The following PCDHGA8 variants were observed in gnomAD, a reference collection of about 807,000 sequenced individuals.
PCDHGA8 encodes the protein protocadherin gamma-A8.
A neutral mutation model predicts 59.2 loss-of-function variants in PCDHGA8; 45 were observed. The ratio of observed to expected loss-of-function variants is 0.76; its 90% CI spans 0.60 to 0.98. PCDHGA8 has a LOEUF of 0.98. Ranked by LOEUF, PCDHGA8 falls within the 50% of genes least tolerant of loss-of-function variation. The pLI is 0.00. For missense variants in PCDHGA8, 1,257 were observed against 1,196.2 expected (o/e 1.05, Z -0.75); for synonymous variants, 531 against 519.0 (o/e 1.02, Z -0.32).
chr5:141,453,540 A>G (rs890130466), intron 1 of PCDHGA8, among the ~76,000 whole-genome samples: 2 of 152,058 alleles, frequency 1.3e-5, no homozygotes, highest in Non-Finnish European at 2.9e-5. Context: ...CCTCATTCAC[A>G]CCACACTCTG....
chr5:141,421,239 G>T (rs773410079), intron 1 of PCDHGA8: 5 of 1,599,000 alleles, frequency 3.1e-6, no homozygotes, highest in Middle Eastern at 3.3e-4. Flanking sequence ...TGGCGAATCG[G>T]CTACAGCGCG....
chr5:141,420,840 TC>T (rs1453160032), intron 1 of PCDHGA8, among the ~76,000 whole-genome samples: 1 of 152,250 alleles, frequency 6.6e-6, no homozygotes, highest in Admixed American at 6.5e-5. Flanking sequence ...TCGCAGGTGT[TC>T]TTGGTAAAGT....
intron 1 of PCDHGA8, chr5:141,395,553 TG>T: frequency 1.2e-5 from 1 of 84,110 alleles, no homozygotes; most frequent in Non-Finnish European, 2.1e-5. Context: ...TGTGTGTGTG[TG>T]TGTGTGTGTG....
In PCDHGA8 at chr5:141,476,853, A is replaced by G; in HGVS notation, c.2425-17954A>G. ...AATGACAATGCGCCTGTCTTCAACCAGTCCTTGTACCGGGCGCGCGTCCTG... is the reference window on the plus strand; with the variant it reads ...AATGACAATGCGCCTGTCTTCAACCGGTCCTTGTACCGGGCGCGCGTCCTG... On this transcript the variant is annotated intron_variant, in intron 1 of 3. Coordinates refer to ENST00000398604, the MANE Select transcript of PCDHGA8 (RefSeq NM_032088.2). This position sits in a 1 kb window ranked among gnomAD's most constrained non-coding sequence, Gnocchi z 7.6. The G allele has an allele frequency of 6.2e-7, 1 of 1,613,870 alleles. No individual in the cohort carries two copies. Among genetic ancestry groups the G allele is most frequent in the Non-Finnish European group, 8.5e-7 (1 of 1,180,042 alleles).
chr5:141,413,166 C>A (rs758193163), intron 1 of PCDHGA8: 3 of 1,590,396 alleles, frequency 1.9e-6, no homozygotes, highest in South Asian at 2.3e-5. Flanking sequence ...AATTCTGTAA[C>A]CAGACTACAA....
intron 2 of PCDHGA8, among the ~76,000 whole-genome samples, chr5:141,499,192 C>T (rs1048812227): frequency 1.1e-4 from 17 of 152,106 alleles, no homozygotes; most frequent in South Asian, 2.1e-4. Flanking sequence ...CCATTTCCCC[C>T]TTCTTAGGCT....
In PCDHGA8 at chr5:141,409,971, A is replaced by G. The variant is rs758876775; in HGVS notation, c.2424+14734A>G. On this transcript the variant is annotated intron_variant, in intron 1 of 3. Coordinates refer to ENST00000398604, the MANE Select transcript of PCDHGA8 (RefSeq NM_032088.2). ...GCAGAGCCCGGCTACCTAGTGACTAAGGTGGTAGCGGTGGACGCCGACTCG... is the reference window on the plus strand; with the variant it reads ...GCAGAGCCCGGCTACCTAGTGACTAGGGTGGTAGCGGTGGACGCCGACTCG... 2.9e-5 allele frequency: 47 copies of G among 1,613,202 alleles called. No homozygotes were observed. The highest frequency in any genetic ancestry group is 3.8e-5 in the Non-Finnish European group (45 of 1,179,806).
intron 1 of PCDHGA8, chr5:141,492,050 C>T (rs2099736541): frequency 4.0e-6 from 2 of 500,984 alleles, no homozygotes; most frequent in South Asian, 7.5e-5. Context: ...AGATCCACCC[C>T]TGCAGCCAGC....
intron 1 of PCDHGA8, chr5:141,423,369 A>C: frequency 1.9e-6 from 3 of 1,614,104 alleles, no homozygotes; most frequent in Non-Finnish European, 2.5e-6. Flanking sequence ...TGCTGCTGGC[A>C]CTCAGGCTGT....
intron 1 of PCDHGA8, chr5:141,419,742 T>C (rs1388509503): frequency 2.5e-5 from 41 of 1,613,742 alleles, no homozygotes; most frequent in Non-Finnish European, 3.5e-5. Context: ...GAGGTGCGCA[T>C]GGTGCGTGCT....
At chr5:141,507,178 G>A (rs548016031) in intron 3 of PCDHGA8, 4 of 152,350 alleles carry the variant, frequency 2.6e-5, no homozygotes, top group East Asian at 3.9e-4. Flanking sequence ...CCTCTTCCTC[G>A]AGCTCTGCTT....
At chr5:141,463,296 C>T (rs1194250577) in intron 1 of PCDHGA8, among the ~76,000 whole-genome samples, 1 of 151,986 alleles carries the variant, frequency 6.6e-6, no homozygotes, top group African/African-American at 2.4e-5. Flanking sequence ...CTCCTAATCT[C>T]CCCAAACTCT....
At chr5:141,439,029 G>A (rs2098083069) in intron 1 of PCDHGA8, among the ~76,000 whole-genome samples, 1 of 151,510 alleles carries the variant, frequency 6.6e-6, no homozygotes, top group Non-Finnish European at 1.5e-5. Flanking sequence ...GAAAATAGAT[G>A]CCTCAGTTCA....
At chr5:141,416,698 A>G (rs2096053724) in intron 1 of PCDHGA8, 1 of 152,250 alleles carries the variant, frequency 6.6e-6, no homozygotes, top group Non-Finnish European at 1.5e-5. Context: ...TAAACAAAGG[A>G]TCATTGGAGG....
intron 2 of PCDHGA8, 80 bp downstream of exon 2, chr5:141,494,945 C>G (rs2099757788): frequency 6.2e-7 from 1 of 1,608,958 alleles, no homozygotes; most frequent in Non-Finnish European, 8.5e-7. Flanking sequence ...GGGGGAGGGC[C>G]CAGCATTTGC....
chr5:141,392,896 G>C lies in PCDHGA8; in HGVS notation c.83G>C (p.Arg28Thr). 1.2e-6 allele frequency: 2 copies of C among 1,613,812 alleles called. No homozygotes were observed. The highest frequency in any genetic ancestry group is 1.1e-5 in the South Asian group (1 of 91,082). The change falls in exon 1 of 4, where the codon AGG becomes ACG. Residue 28 changes from arginine (R) to threonine (T), a missense_variant. Arg to Thr is a moderately conservative substitution (Grantham distance 71, BLOSUM62 -1). Transcript: ENST00000398604. ...CTGGGAACGCTGTGGGAAATCGGGAGGGGACAGATTCGCTACTCTGTGCCA... is the reference window on the plus strand; with the variant it reads ...CTGGGAACGCTGTGGGAAATCGGGACGGGACAGATTCGCTACTCTGTGCCA... ...ALLGTLWEIG[R>T]GQIRYSVPEE...
intron 1 of PCDHGA8, among the ~76,000 whole-genome samples, chr5:141,460,478 A>G (rs989135238): frequency 6.6e-5 from 10 of 152,136 alleles, no homozygotes; most frequent in African/African-American, 2.4e-4. Context: ...GGAATATCCA[A>G]TTGTCTCTTT....
At chr5:141,428,230 C>A in intron 1 of PCDHGA8, 1 of 1,073,982 alleles carries the variant, frequency 9.3e-7, no homozygotes, top group Non-Finnish European at 1.4e-6. Flanking sequence ...CGCAGACAGC[C>A]TGCAGGAGGC....
Position 141,394,374 on chromosome 5 carries a change from G to A in PCDHGA8, c.1561G>A (p.Asp521Asn). ...TGVLYALQSFDYEQIRDLQLL... is the reference protein window; with the variant it reads ...TGVLYALQSFNYEQIRDLQLL... The stretch of plus-strand genomic sequence containing the variant: ...TGTCCTGTATGCGCTGCAATCTTTC[G>A]ACTATGAGCAGATCCGAGACCTGCA... Residue 521 changes from aspartate to asparagine, a missense_variant, in exon 1 of 4, where the codon GAC becomes AAC. Transcript: ENST00000398604. 2 of 1,614,172 alleles carry A rather than the reference G, an allele frequency of 1.2e-6. No homozygotes were observed. Among genetic ancestry groups the A allele is most frequent in the South Asian group, 1.1e-5 (1 of 91,082 alleles).
Sources: allele counts gnomAD v4.1 joint callset (sites outside exome capture counted in the v4.1 genomes callset), GRCh38; gene constraint gnomAD v4.1.1; non-coding constraint Gnocchi (gnomAD v3.1); transcripts MANE v1.5; gene names NCBI Gene and HGNC (gene_info 2026-07-23, HGNC 2026-07-21).